HNRNPU: variants seen among roughly 807,000 people sequenced by gnomAD.
HNRNPU encodes the protein heterogeneous nuclear ribonucleoprotein U, also known as HNRNPU antisense RNA 1.
HNRNPU carries 5 observed loss-of-function variants against 94.7 expected under a neutral mutation model. That is an observed-to-expected ratio of 0.05 (90% confidence interval 0.03 to 0.11). HNRNPU has a LOEUF of 0.11. Ranked by LOEUF, HNRNPU falls within the 10% of genes least tolerant of loss-of-function variation. The pLI, the probability that HNRNPU is intolerant of heterozygous loss-of-function variation, is 1.00. For missense variants in HNRNPU, 710 were observed against 1,049.2 expected (o/e 0.68, Z 4.47); for synonymous variants, 434 against 381.6 (o/e 1.14, Z -1.60).
chr1:244,856,337 G>T, intron 10 of HNRNPU, 120 bp downstream of exon 10: 1 of 1,230,614 alleles, frequency 8.1e-7, no homozygotes. Context: ...TGGAAAAAAT[G>T]TTAACTTTCA....
chr1:244,863,262 GCA>G (rs1378629329), intron 1 of HNRNPU, among the ~76,000 whole-genome samples: 1 of 148,008 alleles, frequency 6.8e-6, no homozygotes, highest in African/African-American at 2.5e-5. Context: ...CGCACCGCGC[GCA>G]CGCAGCGCGA....
chr1:244,855,078 G>C (rs760631588), intron 12 of HNRNPU, 34 bp from the exon 13 acceptor site: 1 of 1,544,776 alleles, frequency 6.5e-7, no homozygotes, highest in African/African-American at 1.4e-5. Context: ...AGAGCTCTGA[G>C]CCCAATTGCT....
chr1:244,858,203 G>C lies in HNRNPU; in HGVS notation c.1302C>G (p.Ile434Met). Residue 434 changes from isoleucine (I) to methionine (M), a missense_variant, in exon 7 of 14, where the codon ATC becomes ATG. Around this residue, in one of 8 missense-constraint regions of HNRNPU, gnomAD observed 150 missense variants for 187.9 expected, o/e 0.80. Coordinates refer to ENST00000640218, the MANE Select transcript of HNRNPU (RefSeq NM_031844.3). ...NGQDLGVAFK[I>M]SKEVLAGRPL... Reference sequence around the variant, plus strand: ...GCCGTCCAGCAAGAACTTCCTTACTGATTTTGAAGGCAACGCCAAGATCTT... The same window carrying C: ...GCCGTCCAGCAAGAACTTCCTTACTCATTTTGAAGGCAACGCCAAGATCTT... The C allele has an allele frequency of 6.2e-7, 1 of 1,614,058 alleles. No homozygotes were observed. Among genetic ancestry groups the C allele is most frequent in the South Asian group, 1.1e-5 (1 of 91,082 alleles).
intron 13 of HNRNPU, chr1:244,854,770 TA>T (rs1306658155): frequency 3.6e-5 from 18 of 503,084 alleles, no homozygotes; most frequent in Non-Finnish European, 4.9e-5. Context: ...ATTACTTTAT[TA>T]AAAAAATTTA....
intron 10 of HNRNPU, 37 bp downstream of exon 10, chr1:244,856,417 AAAG>A (rs750603535): frequency 5.0e-5 from 79 of 1,568,014 alleles, no homozygotes; most frequent in African/African-American, 4.4e-4. Context: ...ATTCTTTTAA[AAAG>A]AAGATTTCAC....
chr1:244,863,024 G>A (rs1351788545), intron 1 of HNRNPU: 2 of 357,418 alleles, frequency 5.6e-6, no homozygotes, highest in South Asian at 3.9e-5. Context: ...CAGAGAGGGG[G>A]AGGGGCCGAG....
intron 3 of HNRNPU, chr1:244,861,268 A>G (rs1680818923): frequency 6.6e-6 from 1 of 152,222 alleles, no homozygotes; most frequent in African/African-American, 2.4e-5. Flanking sequence ...GAGTTATTCT[A>G]ATCAACAGAA....
At chr1:244,856,356 A>G in intron 10 of HNRNPU, 101 bp downstream of exon 10, 1 of 1,313,266 alleles carries the variant, frequency 7.6e-7, no homozygotes, top group Non-Finnish European at 1.1e-6. Flanking sequence ...CAGGAGGCCT[A>G]AGTCCTAATA....
chr1:244,858,285 G>GA lies in HNRNPU; in HGVS notation c.1231-12dup, dbSNP rs765983864. 1.9e-6 allele frequency: 3 copies of GA among 1,602,598 alleles called. No homozygotes were observed. The East Asian group carries it at 6.7e-5, about 36-fold the overall frequency. On this transcript the variant is annotated splice_polypyrimidine_tract_variant and intron_variant, in intron 6 of 13. Coordinates refer to ENST00000640218, the MANE Select transcript of HNRNPU (RefSeq NM_031844.3). ...ATCACTTTCAAAGTTCTGTTACACA[G>GA]AAAAAAATTCAACAGTTAAAATCTG...
chr1:244,855,845 ATAAAAT>A, intron 11 of HNRNPU, 53 bp downstream of exon 11: 1 of 1,579,380 alleles, frequency 6.3e-7, no homozygotes, highest in South Asian at 1.2e-5. Flanking sequence ...CATCCAAACT[ATAAAAT>A]TATCACTTGT....
chr1:244,862,759 C>T (rs1183693382), intron 1 of HNRNPU, 29 bp from the exon 2 acceptor site: 2 of 1,542,310 alleles, frequency 1.3e-6, no homozygotes, highest in Non-Finnish European at 1.8e-6. Flanking sequence ...CCATAAAGGC[C>T]AAGCCTCTAA....
Position 244,864,300 on chromosome 1 carries a change from G to GCCCCTGTTACATT in HNRNPU, c.7_8insAATGTAACAGGGG (p.Ser3Ter). On this transcript the variant is annotated stop_gained and frameshift_variant, in exon 1 of 14. Coordinates refer to ENST00000640218, the MANE Select transcript of HNRNPU (RefSeq NM_031844.3). LOFTEE classifies it high-confidence loss of function. ...CAGCTTTTTTACATTAACAGGCGAGGAACTCATGGTGAGGGCCCCGATTCA... is the reference window on the plus strand; with the variant it reads ...CAGCTTTTTTACATTAACAGGCGAGGCCCCTGTTACATTAACTCATGGTGAGGGCCCCGATTCA... 1 of 1,612,778 alleles carries GCCCCTGTTACATT rather than the reference G, an allele frequency of 6.2e-7. No individual in the cohort carries two copies. Among genetic ancestry groups the GCCCCTGTTACATT allele is most frequent in the South Asian group, 1.1e-5 (1 of 91,056 alleles).
At chr1:244,855,116 G>C in intron 12 of HNRNPU, 72 bp from the exon 13 acceptor site, 1 of 1,182,922 alleles carries the variant, frequency 8.5e-7, no homozygotes, top group Non-Finnish European at 1.3e-6. Flanking sequence ...TGAGAGAGAG[G>C]AGCAGAAATG....
chr1:244,863,593 C>G (rs762059926), intron 1 of HNRNPU, 24 bp downstream of exon 1: 1 of 1,410,790 alleles, frequency 7.1e-7, no homozygotes, highest in Non-Finnish European at 9.1e-7. Flanking sequence ...TCCCGCCGCG[C>G]GCAACGTACA....
intron 12 of HNRNPU, 132 bp downstream of exon 12, chr1:244,855,292 T>C: frequency 1.1e-6 from 1 of 889,818 alleles, no homozygotes; most frequent in Non-Finnish European, 1.8e-6. Context: ...TCACCATTAC[T>C]AGTTCAATTT....
Position 244,856,043 on chromosome 1 carries a change from A to T in HNRNPU, c.2028T>A (p.Ala676=). The T allele has an allele frequency of 6.2e-7, 1 of 1,614,002 alleles. No homozygotes were observed. Among genetic ancestry groups the T allele is most frequent in the Non-Finnish European group, 8.5e-7 (1 of 1,179,980 alleles). The stretch of plus-strand genomic sequence containing the variant: ...TGTTCTGTTTCTTTTCTGGTGGAAG[A>T]GCCTTTTTGCTTTCTTCCTTATATT... The part of the protein sequence containing the change: ...LEQYKEESKK[A]LPPEKKQNTG... Residue 676 remains alanine, a synonymous_variant, in exon 11 of 14, where the codon GCT becomes GCA. Transcript: ENST00000640218.
At position 244,851,398 on chromosome 1, in the gene HNRNPU, T is replaced by C. The variant is rs562694871; in HGVS notation, c.*3052A>G. 2.1e-4 allele frequency: 32 copies of C among 152,332 alleles called. No individual in the cohort carries two copies. The highest frequency in any genetic ancestry group is 7.7e-4 in the African/African-American group (32 of 41,582). 9.4% of individuals were successfully genotyped at this position (152,332 alleles called of 1,614,324 possible). ...TCCTAGAATAAAAAGTCAATTTATA[T>C]TGTGAATAAATTTATCAAAAAACAT... On this transcript the variant is annotated 3_prime_UTR_variant, in exon 14 of 14. Coordinates refer to ENST00000640218, the MANE Select transcript of HNRNPU (RefSeq NM_031844.3).
chr1:244,862,741 C>T lies in HNRNPU; in HGVS notation c.692-11G>A. On this transcript the variant is annotated splice_polypyrimidine_tract_variant and intron_variant, in intron 1 of 13. Transcript: ENST00000640218. Reference sequence around the variant, plus strand: ...CTGTTTTGCCGTCCCCTAAAACACACACGAGCCCCATAAAGGCCAAGCCTC... The same window carrying T: ...CTGTTTTGCCGTCCCCTAAAACACATACGAGCCCCATAAAGGCCAAGCCTC... 6.3e-7 allele frequency: 1 copy of T among 1,599,984 alleles called. No individual in the cohort carries two copies. Among genetic ancestry groups the T allele is most frequent in the Non-Finnish European group, 8.6e-7 (1 of 1,167,146 alleles).
chr1:244,856,939 GT>G, intron 8 of HNRNPU, 83 bp from the exon 9 acceptor site: 1 of 1,110,868 alleles, frequency 9.0e-7, no homozygotes, highest in Non-Finnish European at 1.3e-6. Context: ...ATATCTATAT[GT>G]AAAGCAGGCA....
Sources: allele counts gnomAD v4.1 joint callset (sites outside exome capture counted in the v4.1 genomes callset), GRCh38; gene constraint gnomAD v4.1.1; regional missense constraint gnomAD v4.1.1; transcripts MANE v1.5; gene names NCBI Gene and HGNC (gene_info 2026-07-23, HGNC 2026-07-21).